The following USP15 variants were observed in gnomAD, a reference collection of about 807,000 sequenced individuals.
USP15 encodes ubiquitin specific peptidase 15.
USP15 carries 18 observed loss-of-function variants against 127.1 expected under a neutral mutation model. That is an observed-to-expected ratio of 0.14 (90% CI 0.10 to 0.21). The LOEUF (loss-of-function observed/expected upper bound fraction) is 0.21, where lower values mean the gene tolerates loss of function less well. Among genes scored for constraint, USP15 ranks in the 10% least tolerant of loss-of-function variants. The pLI is 1.00. For synonymous variants in USP15, 364 were observed against 393.7 expected, an observed-to-expected ratio of 0.92 and a Z score of 0.89; for missense variants, 805 against 1,159.9, an observed-to-expected ratio of 0.69 and a Z score of 4.44.
intron 2 of USP15, among the ~76,000 whole-genome samples, chr12:62,299,260 G>A (rs1454763214): frequency 6.6e-6 from 1 of 152,070 alleles, no homozygotes; most frequent in Non-Finnish European, 1.5e-5. Context: ...ACAGATGCGT[G>A]CCACCACACC....
chr12:62,398,489 C>T (rs771220282), intron 20 of USP15, among the ~76,000 whole-genome samples: 2 of 152,166 alleles, frequency 1.3e-5, no homozygotes, highest in Non-Finnish European at 2.9e-5. Context: ...TTTAGCTGTA[C>T]TTCAGATTTT....
intron 3 of USP15, among the ~76,000 whole-genome samples, chr12:62,313,549 T>C (rs2064744639): frequency 6.6e-6 from 1 of 151,724 alleles, no homozygotes; most frequent in African/African-American, 2.4e-5. Flanking sequence ...TACTGACTGA[T>C]AAGAATATTT....
At chr12:62,308,085 T>C (rs2064539829) in intron 3 of USP15, among the ~76,000 whole-genome samples, 1 of 152,120 alleles carries the variant, frequency 6.6e-6, no homozygotes, top group African/African-American at 2.4e-5. Context: ...AATATAGGGA[T>C]TAGTGTGCTA....
intron 6 of USP15, among the ~76,000 whole-genome samples, chr12:62,331,720 A>G (rs967175259): frequency 3.3e-5 from 5 of 152,204 alleles, no homozygotes; most frequent in African/African-American, 7.2e-5. Context: ...AAGAAATGCT[A>G]AATATTCAAA....
At chr12:62,379,130 TAAGGA>T (rs1233574503) in intron 8 of USP15, among the ~76,000 whole-genome samples, 2 of 149,154 alleles carry the variant, frequency 1.3e-5, no homozygotes, top group Non-Finnish European at 3.0e-5. Context: ...GAAAACACTG[TAAGGA>T]AATCTAAGGG....
chr12:62,380,457 A>C (rs2066958322), intron 8 of USP15, among the ~76,000 whole-genome samples: 1 of 152,060 alleles, frequency 6.6e-6, no homozygotes, highest in African/African-American at 2.4e-5. Flanking sequence ...CATAGCTACC[A>C]AACCTGTCTA....
At position 62,288,344 on chromosome 12, in the gene USP15, C is replaced by CTTT. The variant is rs34110065; in HGVS notation, c.90-5818_90-5816dup. 2.7e-3 allele frequency among the ~76,000 whole-genome samples: 310 copies of CTTT among 114,366 alleles called. 1 individual carries two copies. The highest frequency in any genetic ancestry group is 3.8e-3 in the African/African-American group (110 of 29,238). The allele number at this position is 114,366 out of a possible 152,430, so 75.0% of individuals were successfully genotyped here. On this transcript the variant is annotated intron_variant, in intron 1 of 21. Coordinates refer to ENST00000280377, the MANE Select transcript of USP15 (RefSeq NM_001252078.2). Reference sequence around the variant, plus strand: ...ATTAGATGTGTTCCCTGGCATTTTACTTTTTTTTTTTTTTTTTTTGGTAGC... The same window carrying CTTT: ...ATTAGATGTGTTCCCTGGCATTTTACTTTTTTTTTTTTTTTTTTTTTTGGTAGC...
At chr12:62,276,135 G>A (rs2063483494) in intron 1 of USP15, among the ~76,000 whole-genome samples, 1 of 152,086 alleles carries the variant, frequency 6.6e-6, no homozygotes, top group Non-Finnish European at 1.5e-5. Context: ...AAAATTCCTT[G>A]TAATCCTCTG....
At chr12:62,271,471 T>C (rs557395666) in intron 1 of USP15, among the ~76,000 whole-genome samples, 1 of 152,154 alleles carries the variant, frequency 6.6e-6, no homozygotes, top group East Asian at 1.9e-4. Context: ...AATGTATGCC[T>C]TTATATGATA....
intron 2 of USP15, among the ~76,000 whole-genome samples, chr12:62,297,209 G>A (rs1490584472): frequency 1.3e-5 from 2 of 152,158 alleles, no homozygotes; most frequent in Non-Finnish European, 2.9e-5. Context: ...AAAAGAAAAG[G>A]GATAGGTGGC....
Position 62,409,077 on chromosome 12 carries a change from A to G in USP15, c.*4702A>G, listed in dbSNP as rs180699814. Reference sequence around the variant, plus strand: ...ATCAAGACTTTTTTCTTCACTAATGATGGGGTAAAGAATTTTTAAATGGAT... The same window carrying G: ...ATCAAGACTTTTTTCTTCACTAATGGTGGGGTAAAGAATTTTTAAATGGAT... On this transcript the variant is annotated 3_prime_UTR_variant, in exon 22 of 22. Transcript: ENST00000280377. 89 of 152,264 alleles carry G rather than the reference A, an allele frequency of 5.8e-4. No homozygotes were observed. The highest frequency in any genetic ancestry group is 2.0e-3 in the African/African-American group (84 of 41,558). 9.4% of individuals were successfully genotyped at this position (152,264 alleles called of 1,614,324 possible).
At chr12:62,273,144 C>T (rs1334143415) in intron 1 of USP15, among the ~76,000 whole-genome samples, 3,333 of 152,098 alleles carry the variant, frequency 0.022, 121 homozygotes, top group African/African-American at 0.075. Context: ...CAAAGTCCTT[C>T]TGGCCTTAGC....
intron 6 of USP15, chr12:62,327,919 G>C: frequency 4.5e-6 from 1 of 223,628 alleles, no homozygotes; most frequent in Non-Finnish European, 9.1e-6. Context: ...ATACTATGCA[G>C]TAATATGTCA....
chr12:62,365,279 T>C (rs1324571759), intron 8 of USP15, among the ~76,000 whole-genome samples: 1 of 152,200 alleles, frequency 6.6e-6, no homozygotes, highest in African/African-American at 2.4e-5. Context: ...CTCATTGTGA[T>C]TTTGATTTGC....
rs138762035 is a variant in USP15 at position 62,401,179 on chromosome 12, T to G, written c.2675-8T>G. The stretch of plus-strand genomic sequence containing the variant: ...TTTTCGTCACAGTGATTATATTTTT[T>G]TCATTAGATACTGCTTTTGCAAAAA... On this transcript the variant is annotated splice_polypyrimidine_tract_variant and splice_region_variant and intron_variant, in intron 20 of 21. Coordinates refer to ENST00000280377, the MANE Select transcript of USP15 (RefSeq NM_001252078.2). The G allele has an allele frequency of 4.0e-4, 637 of 1,603,604 alleles. 6 individuals carry two copies. In the East Asian group the frequency reaches 0.014, roughly 35 times the overall value.
At chr12:62,350,286 A>G (rs1184948604) in intron 7 of USP15, among the ~76,000 whole-genome samples, 1 of 152,092 alleles carries the variant, frequency 6.6e-6, no homozygotes, top group Non-Finnish European at 1.5e-5. Flanking sequence ...AACACCAATA[A>G]TTAAAACACC....
chr12:62,315,939 C>G (rs1008676148), intron 4 of USP15, among the ~76,000 whole-genome samples: 1 of 152,178 alleles, frequency 6.6e-6, no homozygotes, highest in Non-Finnish European at 1.5e-5. Context: ...AATCTTTATT[C>G]TCCCCTCTTC....
At chr12:62,310,528 CG>C (rs2064638195) in intron 3 of USP15, among the ~76,000 whole-genome samples, 1 of 151,796 alleles carries the variant, frequency 6.6e-6, no homozygotes, top group African/African-American at 2.4e-5. Context: ...TAACGACCTC[CG>C]GCTTCATCCA....
chr12:62,342,694 C>T (rs1444788483), intron 6 of USP15, among the ~76,000 whole-genome samples: 1 of 152,200 alleles, frequency 6.6e-6, no homozygotes, highest in Non-Finnish European at 1.5e-5. Flanking sequence ...TGGAGGTCTA[C>T]TCCAGACCCT....
Sources: allele counts gnomAD v4.1 joint callset (sites outside exome capture counted in the v4.1 genomes callset), GRCh38; gene constraint gnomAD v4.1.1; transcripts MANE v1.5; gene names NCBI Gene and HGNC (gene_info 2026-07-23, HGNC 2026-07-21).